The following ADGRA1 variants were observed in gnomAD, a reference collection of about 807,000 sequenced individuals.
ADGRA1 encodes G-protein coupled receptor 123.
A neutral mutation model predicts 21.3 loss-of-function variants in ADGRA1; 12 were observed. The observed-to-expected ratio is 0.56, with a 90% CI of 0.36 to 0.91. The LOEUF is 0.91. Among genes scored for constraint, ADGRA1 ranks in the 40% least tolerant of loss-of-function variants. The pLI is 0.01. For missense variants in ADGRA1, 790 were observed against 805.6 expected (o/e 0.98, Z 0.23); for synonymous variants, 385 against 368.8 (o/e 1.04, Z -0.50).
Position 133,129,629 on chromosome 10 carries a change from C to G in ADGRA1, c.*118C>G, listed in dbSNP as rs1591193450. 1 of 528,762 alleles carries G rather than the reference C, an allele frequency of 1.9e-6. No homozygotes were observed. The highest frequency in any genetic ancestry group is 3.3e-5 in the East Asian group (1 of 30,200). 32.8% of individuals were successfully genotyped at this position (528,762 alleles called of 1,614,324 possible). ...CCCCGCCTTTCAGAAGCCGTTCACA[C>G]CCCTGCCCCTTCCTTGTGATCACAC... is the stretch of plus-strand genomic sequence containing the variant. On this transcript the variant is annotated 3_prime_UTR_variant, in exon 7 of 7. Coordinates refer to ENST00000392607, the MANE Select transcript of ADGRA1 (RefSeq NM_001083909.3).
At chr10:133,118,277 G>T (rs1389728437) in intron 5 of ADGRA1, among the ~76,000 whole-genome samples, 1 of 152,188 alleles carries the variant, frequency 6.6e-6, no homozygotes, top group East Asian at 1.9e-4. Context: ...TTAAGTTAAG[G>T]TACGTACGTT....
chr10:133,103,288 G>A (rs1238755423), intron 5 of ADGRA1, among the ~76,000 whole-genome samples: 2 of 152,202 alleles, frequency 1.3e-5, no homozygotes, highest in Non-Finnish European at 2.9e-5. Context: ...AACGGGCTCT[G>A]GTGGTTTTGG....
At chr10:133,115,995 C>T (rs1852149661) in intron 5 of ADGRA1, among the ~76,000 whole-genome samples, 1 of 151,974 alleles carries the variant, frequency 6.6e-6, no homozygotes, top group Non-Finnish European at 1.5e-5. Context: ...CTCCCTCCCT[C>T]TTTTCCCTCC....
intron 2 of ADGRA1, among the ~76,000 whole-genome samples, chr10:133,091,780 C>T (rs563721483): frequency 3.0e-4 from 46 of 152,326 alleles, no homozygotes; most frequent in African/African-American, 1.1e-3. Flanking sequence ...CTTCCTTCCC[C>T]AGCTTCTGAA....
chr10:133,123,472 T>C (rs1045815623), intron 5 of ADGRA1, among the ~76,000 whole-genome samples: 14 of 152,128 alleles, frequency 9.2e-5, no homozygotes, highest in South Asian at 4.1e-4. Flanking sequence ...ATCCACACCA[T>C]GTCTCCTCCA....
intron 5 of ADGRA1, 101 bp from the exon 6 acceptor site, chr10:133,127,132 C>A: frequency 2.9e-6 from 2 of 683,710 alleles, no homozygotes; most frequent in Non-Finnish European, 4.6e-6. Context: ...CCGCCCGCAC[C>A]CGCTGCTCTC....
At chr10:133,099,692 G>A (rs888476379) in intron 4 of ADGRA1, among the ~76,000 whole-genome samples, 1 of 152,146 alleles carries the variant, frequency 6.6e-6, no homozygotes, top group African/African-American at 2.4e-5. Flanking sequence ...CGGAGCCTCT[G>A]TAGCCACAGC....
At chr10:133,107,277 C>T (rs79491214) in intron 5 of ADGRA1, among the ~76,000 whole-genome samples, 27 of 152,166 alleles carry the variant, frequency 1.8e-4, no homozygotes, top group Non-Finnish European at 4.4e-5. Context: ...AATTATCACG[C>T]CATCTGTACA....
intron 5 of ADGRA1, among the ~76,000 whole-genome samples, chr10:133,121,422 GGT>G (rs907613807): frequency 6.6e-5 from 10 of 150,922 alleles, no homozygotes; most frequent in East Asian, 5.8e-4. Flanking sequence ...GCATGTGTGT[GGT>G]GTGTCAGTGT....
chr10:133,109,621 C>T (rs1017455145), intron 5 of ADGRA1, among the ~76,000 whole-genome samples: 4 of 152,146 alleles, frequency 2.6e-5, no homozygotes, highest in Admixed American at 6.5e-5. Flanking sequence ...ACCTTCTGCC[C>T]GGTGCCCACC....
chr10:133,107,683 G>A (rs1020375387), intron 5 of ADGRA1, among the ~76,000 whole-genome samples: 3 of 152,216 alleles, frequency 2.0e-5, no homozygotes, highest in Non-Finnish European at 2.9e-5. Context: ...GAGCTGTCTC[G>A]TGGGTTTTTT....
intron 5 of ADGRA1, among the ~76,000 whole-genome samples, chr10:133,111,580 GACAACCTGCCCACCACGGA>G (rs1852007366): frequency 3.6e-5 from 1 of 27,528 alleles, no homozygotes; most frequent in Non-Finnish European, 5.7e-5. Context: ...AATCCCACCA[GACAACCTGCCCACCACGGA>G]CACCTCCCTC....
intron 5 of ADGRA1, among the ~76,000 whole-genome samples, chr10:133,117,453 C>T (rs533453989): frequency 6.6e-6 from 1 of 152,282 alleles, no homozygotes; most frequent in East Asian, 1.9e-4. Flanking sequence ...CCAGACCTGC[C>T]CCCTGGGAGG....
At chr10:133,101,465 C>T (rs1851793489) in intron 4 of ADGRA1, among the ~76,000 whole-genome samples, 1 of 152,238 alleles carries the variant, frequency 6.6e-6, no homozygotes, top group African/African-American at 2.4e-5. Context: ...TGCAGCCTCT[C>T]CATCTGTCCA....
At position 133,123,332 on chromosome 10, in the gene ADGRA1, T is replaced by C. The variant is rs1852311848; in HGVS notation, c.402-3901T>C. On this transcript the variant is annotated intron_variant, in intron 5 of 6. Transcript: ENST00000392607. ...CCTCACTGACGGGCAGGAGCCTGTGTTTGTTCCTCACATCAGCCCGAGCGG... is the reference window on the plus strand; with the variant it reads ...CCTCACTGACGGGCAGGAGCCTGTGCTTGTTCCTCACATCAGCCCGAGCGG... 2.0e-5 allele frequency among the ~76,000 whole-genome samples: 3 copies of C among 152,326 alleles called. No individual in the cohort carries two copies. The South Asian group carries it at 6.2e-4, about 32-fold the overall frequency.
chr10:133,125,642 G>C (rs765206455), intron 5 of ADGRA1, among the ~76,000 whole-genome samples: 1 of 151,992 alleles, frequency 6.6e-6, no homozygotes, highest in Non-Finnish European at 1.5e-5. Context: ...TGTTAGCCAG[G>C]ATGGTCTCGG....
chr10:133,101,735 A>C (rs1011828667), intron 4 of ADGRA1, among the ~76,000 whole-genome samples: 2 of 152,130 alleles, frequency 1.3e-5, no homozygotes, highest in Non-Finnish European at 2.9e-5. Context: ...AGGCCTAGGC[A>C]CTGGGATGGG....
intron 5 of ADGRA1, among the ~76,000 whole-genome samples, chr10:133,111,199 C>A (rs1181244061): frequency 7.0e-6 from 1 of 142,958 alleles, no homozygotes; most frequent in Non-Finnish European, 1.5e-5. Context: ...CCTAATCCCT[C>A]CAGACAACCT....
chr10:133,116,882 A>G (rs1036006435), intron 5 of ADGRA1, among the ~76,000 whole-genome samples: 2 of 152,180 alleles, frequency 1.3e-5, no homozygotes, highest in Admixed American at 6.5e-5. Flanking sequence ...GAGGAACGCC[A>G]GGATAGTGTC....
Sources: gnomAD v4.1 joint callset for allele counts (sites outside exome capture counted in the v4.1 genomes callset) on GRCh38, gnomAD v4.1.1 for gene constraint, MANE v1.5 for transcripts, NCBI Gene and HGNC (gene_info 2026-07-23, HGNC 2026-07-21) for gene names.